MAPK10: variants seen among roughly 807,000 people sequenced by gnomAD.
MAPK10 encodes the protein JNK3 alpha protein kinase.
A neutral mutation model predicts 59.3 loss-of-function variants in MAPK10; 25 were observed. That is an observed-to-expected ratio of 0.42 (90% CI 0.31 to 0.59). MAPK10 has a LOEUF of 0.59. MAPK10 is among the 20% of genes least tolerant of loss of function. The probability of loss-of-function intolerance (pLI) is 0.15; values close to 1 mark genes in which losing one functional copy is unlikely to be tolerated. For synonymous variants in MAPK10, 190 were observed against 200.5 expected, an observed-to-expected ratio of 0.95 and a Z score of 0.44; for missense variants, 351 against 568.9, an observed-to-expected ratio of 0.62 and a Z score of 3.90.
intron 1 of MAPK10, among the ~76,000 whole-genome samples, chr4:86,500,796 C>G (rs1395090303): frequency 1.3e-5 from 2 of 152,088 alleles, no homozygotes; most frequent in African/African-American, 4.8e-5. Flanking sequence ...TCATCAGCTA[C>G]TTTTATTAGC....
chr4:86,286,849 C>A (rs377534717), intron 2 of MAPK10, among the ~76,000 whole-genome samples: 2 of 152,206 alleles, frequency 1.3e-5, no homozygotes, highest in South Asian at 2.1e-4. Flanking sequence ...GTTGATGATG[C>A]TTCTCAGTGT....
upstream of MAPK10, among the ~76,000 whole-genome samples, chr4:86,364,554 T>C (rs916687642): frequency 6.6e-6 from 1 of 152,130 alleles, no homozygotes; most frequent in Admixed American, 6.6e-5. Flanking sequence ...CAATTATATT[T>C]ATGTTATTTA....
chr4:86,234,236 C>CA (rs1013652918), intron 2 of MAPK10, among the ~76,000 whole-genome samples: 8 of 149,756 alleles, frequency 5.3e-5, no homozygotes, highest in South Asian at 2.1e-4. Context: ...ATCATAGAGA[C>CA]AAAAAAAAAT....
chr4:86,189,290 G>A (rs2079077003), intron 3 of MAPK10, among the ~76,000 whole-genome samples: 1 of 152,164 alleles, frequency 6.6e-6, no homozygotes, highest in Admixed American at 6.5e-5. Context: ...GAATGTCAAA[G>A]GTAGTTTGAT....
intron 2 of MAPK10, among the ~76,000 whole-genome samples, chr4:86,203,797 A>G (rs1429429472): frequency 1.3e-5 from 2 of 151,344 alleles, no homozygotes; most frequent in African/African-American, 4.8e-5. Flanking sequence ...TAATATGCAA[A>G]AGACCAGATG....
At chr4:86,389,922 C>T (rs2149007918) in intron 1 of MAPK10, among the ~76,000 whole-genome samples, 1 of 147,670 alleles carries the variant, frequency 6.8e-6, no homozygotes, top group South Asian at 2.2e-4. Flanking sequence ...AAAGAACCTC[C>T]CTCTCTCTCT....
chr4:86,407,830 A>G (rs1465332126), intron 1 of MAPK10, among the ~76,000 whole-genome samples: 1 of 152,142 alleles, frequency 6.6e-6, no homozygotes, highest in Non-Finnish European at 1.5e-5. Flanking sequence ...AATATCAATT[A>G]GTTGTATATG....
At chr4:86,382,437 C>T (rs1208534912) in intron 1 of MAPK10, among the ~76,000 whole-genome samples, 1 of 152,172 alleles carries the variant, frequency 6.6e-6, no homozygotes, top group African/African-American at 2.4e-5. Context: ...TGCTTTCCCT[C>T]AGACCTTATC....
chr4:86,054,632 G>C (rs1429346481), intron 11 of MAPK10, among the ~76,000 whole-genome samples: 1 of 152,144 alleles, frequency 6.6e-6, no homozygotes, highest in African/African-American at 2.4e-5. Context: ...CACATAATTA[G>C]AGTGCATCAG....
At position 86,374,788 on chromosome 4, in the gene MAPK10, A is replaced by T. The variant is rs539452617; in HGVS notation, c.-121-20144T>A. Among the ~76,000 whole-genome samples, 157 of 152,328 alleles carry T rather than the reference A, an allele frequency of 1.0e-3. 2 individuals are homozygous for T. In the South Asian group the frequency reaches 0.031, roughly 30 times the overall value. On this transcript the variant is annotated intron_variant, in intron 1 of 13. Transcript: ENST00000361569. ...TTCTTCAAATAGCTACAGTCCCTAA[A>T]CTGAAATCCCCATTCATATACACAA...
chr4:86,530,066 TC>T (rs1757749050), intron 1 of MAPK10, among the ~76,000 whole-genome samples: 1 of 143,860 alleles, frequency 7.0e-6, no homozygotes, highest in Non-Finnish European at 1.5e-5. Flanking sequence ...GTTTTGTTTT[TC>T]CTTTTTTTTT....
intron 1 of MAPK10, among the ~76,000 whole-genome samples, chr4:86,396,174 C>G (rs922890178): frequency 6.6e-6 from 1 of 152,184 alleles, no homozygotes; most frequent in South Asian, 2.1e-4. Flanking sequence ...GGTGAAAGCC[C>G]GTCTCTACTA....
At chr4:86,338,119 C>A (rs1346128006) in intron 2 of MAPK10, among the ~76,000 whole-genome samples, 1 of 152,182 alleles carries the variant, frequency 6.6e-6, no homozygotes, top group Non-Finnish European at 1.5e-5. Context: ...CACACACACA[C>A]CTTCTTTCTG....
chr4:86,226,636 C>T (rs1399137306), intron 2 of MAPK10, among the ~76,000 whole-genome samples: 2 of 152,018 alleles, frequency 1.3e-5, no homozygotes, highest in African/African-American at 4.8e-5. Flanking sequence ...GGTAATTTAC[C>T]CAACAATGCA....
At position 86,227,910 on chromosome 4, in the gene MAPK10, T is replaced by A. The variant is rs903125816; in HGVS notation, c.-6-33503A>T. On this transcript the variant is annotated intron_variant, in intron 2 of 13. Coordinates refer to ENST00000641462, the MANE Select transcript of MAPK10 (RefSeq NM_138982.4). ...AGACATGCTGACACAAAAATGACTG[T>A]CATGAAGGAAGAAGTCCGTACTCAC... 2.0e-5 allele frequency among the ~76,000 whole-genome samples: 3 copies of A among 152,068 alleles called. No individual in the cohort carries two copies. In the South Asian group the frequency reaches 6.2e-4, roughly 32 times the overall value.
chr4:86,258,959 C>T (rs11725943), intron 2 of MAPK10, among the ~76,000 whole-genome samples: 28,245 of 152,006 alleles, frequency 0.19, 2,870 homozygotes, highest in African/African-American at 0.25. Flanking sequence ...TGTCTCATTT[C>T]GGTAGCATAT....
chr4:86,228,042 C>T (rs553200096), intron 2 of MAPK10, among the ~76,000 whole-genome samples: 86 of 152,104 alleles, frequency 5.7e-4, no homozygotes, highest in African/African-American at 2.0e-3. Flanking sequence ...TCCTTGTTGG[C>T]TATTTATTGA....
chr4:86,190,895 T>C (rs1370486908), intron 3 of MAPK10, among the ~76,000 whole-genome samples: 2 of 152,194 alleles, frequency 1.3e-5, no homozygotes, highest in Admixed American at 1.3e-4. Flanking sequence ...GCTATAAATT[T>C]CCCTCTAACC....
At chr4:86,303,805 C>T (rs1454833826) in intron 2 of MAPK10, among the ~76,000 whole-genome samples, 1 of 152,198 alleles carries the variant, frequency 6.6e-6, no homozygotes, top group African/African-American at 2.4e-5. Context: ...GGACAAAATT[C>T]ATTTGCATTA....
Sources: gnomAD v4.1 joint callset for allele counts (sites outside exome capture counted in the v4.1 genomes callset) on GRCh38, gnomAD v4.1.1 for gene constraint, MANE v1.5 for transcripts, NCBI Gene and HGNC (gene_info 2026-07-23, HGNC 2026-07-21) for gene names.